Variants in MYO7B observed in about 807,000 individuals in gnomAD.
The protein encoded by MYO7B is unconventional myosin-VIIb.
A neutral mutation model predicts 259.7 loss-of-function variants in MYO7B; 212 were observed. The observed-to-expected ratio is 0.82, with a 90% CI of 0.73 to 0.91. The LOEUF (loss-of-function observed/expected upper bound fraction) is 0.91. Among genes scored for constraint, MYO7B ranks in the 40% least tolerant of loss-of-function variants. The probability of loss-of-function intolerance (pLI) is 0.00; values close to 1 mark genes in which losing one functional copy is unlikely to be tolerated. For missense variants in MYO7B, 2,732 were observed against 2,813.5 expected (o/e 0.97, Z 0.66); for synonymous variants, 1,197 against 1,166.4 (o/e 1.03, Z -0.54).
rs1385460785 is a variant in MYO7B, at chr2:127,546,066, A to C, written c.-24+10235A>C. On this transcript the variant is annotated intron_variant, in intron 1 of 47. Transcript: ENST00000409816. This position sits in a 1 kb window ranked among gnomAD's most constrained non-coding sequence, Gnocchi z 4.2. ...GTACTCTCAGCTCTGGGGAGCAGGG[A>C]ATAGGCAGTCAGCTGGTGGCATAGG... Among the ~76,000 whole-genome samples the C allele has an allele frequency of 6.6e-6, 1 of 152,184 alleles. No individual in the cohort carries two copies. The highest frequency in any genetic ancestry group is 6.5e-5 in the Admixed American group (1 of 15,280).
chr2:127,631,605 C>T lies in MYO7B; in HGVS notation c.5101C>T (p.Leu1701Phe). The T allele has an allele frequency of 6.2e-7, 1 of 1,612,990 alleles. No homozygotes were observed. Among genetic ancestry groups the T allele is most frequent in the Non-Finnish European group, 8.5e-7 (1 of 1,179,734 alleles). Residue 1701 changes from leucine to phenylalanine, a missense_variant, in exon 38 of 48, where the codon CTC becomes TTC. By Grantham distance (22) the Leu-to-Phe change is conservative (BLOSUM62 0). Coordinates refer to ENST00000409816, the MANE Select transcript of MYO7B (RefSeq NM_001393586.1). ...GTGCTCCTTGACAGCCACACCCATCCTCCGGTACATGGGCGACTACCCTTC... is the reference window on the plus strand; with the variant it reads ...GTGCTCCTTGACAGCCACACCCATCTTCCGGTACATGGGCGACTACCCTTC... ...DIACQIFVAI[L>F]RYMGDYPSRQ...
rs369741060 is a variant in MYO7B at position 127,627,539 on chromosome 2, C to T, written c.4460+229C>T. 1.5e-3 allele frequency: 1,006 copies of T among 680,790 alleles called. 21 individuals carry two copies. The highest frequency in any genetic ancestry group is 0.015 in the South Asian group (976 of 66,970). The allele number at this position is 680,790 out of a possible 1,614,324, so 42.2% of individuals were successfully genotyped here. Reference sequence around the variant, plus strand: ...ATTGGGGCATCACGCGTTGCACTGGCAGCTTCTCTTTGAAACCCAGGTCCA... The same window carrying T: ...ATTGGGGCATCACGCGTTGCACTGGTAGCTTCTCTTTGAAACCCAGGTCCA... On this transcript the variant is annotated intron_variant, in intron 33 of 47. Coordinates refer to ENST00000409816, the MANE Select transcript of MYO7B (RefSeq NM_001393586.1). This position sits in a 1 kb window ranked among gnomAD's most constrained non-coding sequence, Gnocchi z 5.6.
chr2:127,598,599 T>A (rs1386201355), intron 19 of MYO7B, among the ~76,000 whole-genome samples: 6 of 152,240 alleles, frequency 3.9e-5, no homozygotes. Context: ...AAAGTCTAAT[T>A]GTCAAATTTC....
rs745444342 is a variant in MYO7B at position 127,574,035 on chromosome 2, C to T, written c.708C>T (p.Leu236=). 19 of 1,613,914 alleles carry T rather than the reference C, an allele frequency of 1.2e-5. No individual in the cohort carries two copies. Among genetic ancestry groups the T allele is most frequent in the Non-Finnish European group, 1.6e-5 (19 of 1,179,906 alleles). The change falls in exon 7 of 48, where the codon CTC becomes CTT. Residue 236 remains leucine, a synonymous_variant. Transcript: ENST00000409816. ...VIEGARIEQF[L]LEKSRVCRQA... ...AGGGCGCGCGCATCGAGCAATTTCTCCTGGAGAAGTCCCGGGTCTGCCGGC... is the reference window on the plus strand; with the variant it reads ...AGGGCGCGCGCATCGAGCAATTTCTTCTGGAGAAGTCCCGGGTCTGCCGGC...
chr2:127,589,184 T>C (rs1031128592), intron 15 of MYO7B, among the ~76,000 whole-genome samples: 1 of 136,868 alleles, frequency 7.3e-6, no homozygotes, highest in Admixed American at 7.3e-5. Context: ...GGTGGGTGGG[T>C]GGATGGGTGA....
In MYO7B at chr2:127,559,714, T is replaced by C. The variant is rs758889393; in HGVS notation, c.-9T>C. On this transcript the variant is annotated 5_prime_UTR_variant, in exon 2 of 48. Coordinates refer to ENST00000409816, the MANE Select transcript of MYO7B (RefSeq NM_001393586.1). This position sits in a 1 kb window ranked among gnomAD's most constrained non-coding sequence, Gnocchi z 4.1. The stretch of plus-strand genomic sequence containing the variant: ...TCTCCATACAGGCTTGTGGAACTGC[T>C]GACTCAGGATGTCGGGGTTCAGGCT... 2 of 1,614,028 alleles carry C rather than the reference T, an allele frequency of 1.2e-6. No individual in the cohort carries two copies. Among genetic ancestry groups the C allele is most frequent in the South Asian group, 1.1e-5 (1 of 91,090 alleles).
chr2:127,625,592 G>A (rs1192451890), intron 31 of MYO7B, 57 bp downstream of exon 31: 2 of 1,495,588 alleles, frequency 1.3e-6, no homozygotes, highest in African/African-American at 1.4e-5. Flanking sequence ...GGAGGTGGGG[G>A]GGCTCATGGT....
In MYO7B at chr2:127,613,982, C is replaced by G. The variant is rs1391716727; in HGVS notation, c.3398+1379C>G. ...CTACTGTGGGTACCCTAAACTCTCT[C>G]CTCTGGTTCTTCAAGCCAGTAAGAC... On this transcript the variant is annotated intron_variant, in intron 26 of 47. Coordinates refer to ENST00000409816, the MANE Select transcript of MYO7B (RefSeq NM_001393586.1). The surrounding 1 kb of genome is among the most constrained non-coding windows in gnomAD (Gnocchi z 4.3). Among the ~76,000 whole-genome samples the G allele has an allele frequency of 6.6e-6, 1 of 152,160 alleles. No homozygotes were observed. Among genetic ancestry groups the G allele is most frequent in the Non-Finnish European group, 1.5e-5 (1 of 68,026 alleles).
At position 127,624,234 on chromosome 2, in the gene MYO7B, G is replaced by A. The variant is rs756725665; in HGVS notation, c.3961G>A (p.Asp1321Asn). The part of the protein sequence containing the change: ...FRKEFFTPWH[D>N]SREDPVSTEL... ...GAAGGAATTCTTCACCCCCTGGCAC[G>A]ACTCCCGGGAGGACCCTGTCAGCAC... is the stretch of plus-strand genomic sequence containing the variant. The change falls in exon 30 of 48, where the codon GAC becomes AAC. Residue 1321 changes from aspartate to asparagine, a missense_variant. Physicochemically the swap from Asp to Asn is conservative, Grantham distance 23. This residue lies in a region of MYO7B where 1,906 missense variants were observed against 2,026.4 expected (regional missense o/e 0.94). Transcript: ENST00000409816. 3.8e-6 allele frequency: 6 copies of A among 1,596,312 alleles called. No individual in the cohort carries two copies. The highest frequency in any genetic ancestry group is 5.1e-6 in the Non-Finnish European group (6 of 1,172,194).
rs540828949 is a variant in MYO7B at position 127,618,040 on chromosome 2, GCTCT to G, written c.3399-2295_3399-2292del. ...TCCCGCAAGTCCCTGTCTTTCCCTAGCTCTCTCTATTTGTCTCTATTTCTATTTA... is the reference window on the plus strand; with the variant it reads ...TCCCGCAAGTCCCTGTCTTTCCCTAGCTCTATTTGTCTCTATTTCTATTTA... On this transcript the variant is annotated intron_variant, in intron 26 of 47. Transcript: ENST00000409816. Among the ~76,000 whole-genome samples the G allele has an allele frequency of 5.1e-4, 78 of 151,996 alleles. 1 individual carries two copies. Among genetic ancestry groups the G allele is most frequent in the African/African-American group, 1.2e-3 (49 of 41,466 alleles).
chr2:127,536,098 T>A (rs553116938), intron 1 of MYO7B, among the ~76,000 whole-genome samples: 1 of 152,242 alleles, frequency 6.6e-6, no homozygotes, highest in South Asian at 2.1e-4. Flanking sequence ...GCAAACTCCC[T>A]GCAGGAGGGG....
At chr2:127,558,303 C>T in intron 1 of MYO7B, among the ~76,000 whole-genome samples, 1 of 152,144 alleles carries the variant, frequency 6.6e-6, no homozygotes, top group South Asian at 2.1e-4. Context: ...GTGATACCAC[C>T]TTACTCCTAC....
rs908956841 is a variant in MYO7B, at chr2:127,611,482, A to T, written c.3193-768A>T. 2.0e-5 allele frequency among the ~76,000 whole-genome samples: 3 copies of T among 152,172 alleles called. No individual in the cohort carries two copies. The highest frequency in any genetic ancestry group is 4.4e-5 in the Non-Finnish European group (3 of 68,024). On this transcript the variant is annotated intron_variant, in intron 24 of 47. Transcript: ENST00000409816. This position sits in a 1 kb window ranked among gnomAD's most constrained non-coding sequence, Gnocchi z 5.4. ...GTTTTCTGTCCTGCATGTGTTTATT[A>T]AATATCCATGACGTGCCCCAGACAC... is the stretch of plus-strand genomic sequence containing the variant.
rs1018914213 is a variant in MYO7B, at chr2:127,597,728, G to A, written c.2339+1172G>A. Reference sequence around the variant, plus strand: ...TGGCTCACTGCAACCTCTGCTTTCCGGGCTCAAGCTATCCTCCCACCTCAG... The same window carrying A: ...TGGCTCACTGCAACCTCTGCTTTCCAGGCTCAAGCTATCCTCCCACCTCAG... On this transcript the variant is annotated intron_variant, in intron 19 of 47. Coordinates refer to ENST00000409816, the MANE Select transcript of MYO7B (RefSeq NM_001393586.1). This position sits in a 1 kb window ranked among gnomAD's most constrained non-coding sequence, Gnocchi z 4.8. Among the ~76,000 whole-genome samples, 44 of 151,862 alleles carry A rather than the reference G, an allele frequency of 2.9e-4. No homozygotes were observed. The highest frequency in any genetic ancestry group is 9.9e-4 in the African/African-American group (41 of 41,390).
At chr2:127,569,651 C>A in intron 5 of MYO7B, 138 bp from the exon 6 acceptor site, 2 of 1,106,616 alleles carry the variant, frequency 1.8e-6, no homozygotes, top group Non-Finnish European at 2.5e-6. Flanking sequence ...GGCTTCAGTG[C>A]AGTGGGATTT....
intron 6 of MYO7B, among the ~76,000 whole-genome samples, chr2:127,571,015 T>A (rs1212444270): frequency 6.6e-6 from 1 of 152,212 alleles, no homozygotes; most frequent in African/African-American, 2.4e-5. Context: ...GTTTATCGTT[T>A]TTAGCTGCTA....
chr2:127,593,725 A>G lies in MYO7B; in HGVS notation c.2244+81A>G, dbSNP rs933411839. ...AGCTCTTGCACCAGGCCCGGGGTCC[A>G]TGGTCCATGTGCCCTGAGCCAATGA... On this transcript the variant is annotated intron_variant, in intron 18 of 47. Coordinates refer to ENST00000409816, the MANE Select transcript of MYO7B (RefSeq NM_001393586.1). 64 of 1,305,892 alleles carry G rather than the reference A, an allele frequency of 4.9e-5. No individual in the cohort carries two copies. The Middle Eastern group carries it at 7.4e-4, about 15-fold the overall frequency. 80.9% of individuals were successfully genotyped at this position (1,305,892 alleles called of 1,614,324 possible).
chr2:127,602,505 A>T (rs1157613841), intron 19 of MYO7B, among the ~76,000 whole-genome samples: 1 of 152,122 alleles, frequency 6.6e-6, no homozygotes, highest in Non-Finnish European at 1.5e-5. Flanking sequence ...TACAAAAATT[A>T]TCTGGGCATG....
chr2:127,626,806 C>T (rs1482179499), intron 31 of MYO7B, 169 bp from the exon 32 acceptor site: 1 of 624,134 alleles, frequency 1.6e-6, no homozygotes, highest in Non-Finnish European at 2.8e-6. Context: ...GATAGGGCTG[C>T]ACCAGTCCCT....
Sources: gnomAD v4.1 joint callset for allele counts (sites outside exome capture counted in the v4.1 genomes callset) on GRCh38, gnomAD v4.1.1 for gene constraint, gnomAD v4.1.1 regional missense constraint, Gnocchi (gnomAD v3.1) non-coding constraint, MANE v1.5 for transcripts, NCBI Gene and HGNC (gene_info 2026-07-23, HGNC 2026-07-21) for gene names.